CDH13: variants seen among roughly 807,000 people sequenced by gnomAD.
The protein encoded by CDH13 is cadherin-13.
In CDH13, 24 loss-of-function variants were observed where a neutral mutation model predicts 63.8. The ratio of observed to expected loss-of-function variants is 0.38; its 90% CI spans 0.27 to 0.53. The LOEUF (loss-of-function observed/expected upper bound fraction) is 0.53. Among genes scored for constraint, CDH13 ranks in the 20% least tolerant of loss-of-function variants. The pLI is 0.85. For synonymous variants in CDH13, 503 were observed against 355.3 expected (o/e 1.42, Z -4.67); for missense variants, 1,049 against 903.1 (o/e 1.16, Z -2.07).
intron 7 of CDH13, among the ~76,000 whole-genome samples, chr16:83,527,992 G>T (rs7186942): frequency 6.6e-6 from 1 of 152,122 alleles, no homozygotes; most frequent in African/African-American, 2.4e-5. Context: ...CTAAGGGCAC[G>T]CAGGGAGTTT....
chr16:83,224,321 C>T (rs549944155), intron 5 of CDH13, among the ~76,000 whole-genome samples: 4 of 152,212 alleles, frequency 2.6e-5, no homozygotes, highest in African/African-American at 9.7e-5. Context: ...CATGTGTGTG[C>T]AAGTATCTTT....
At chr16:82,751,082 A>T (rs1350889) in intron 1 of CDH13, among the ~76,000 whole-genome samples, 90,734 of 151,998 alleles carry the variant, frequency 0.6, 27,650 homozygotes, top group East Asian at 0.77. Context: ...CTGAGCATCT[A>T]TCCAGTTCCC....
chr16:82,934,204 G>T (rs1011585312), intron 2 of CDH13, among the ~76,000 whole-genome samples: 2 of 152,230 alleles, frequency 1.3e-5, no homozygotes, highest in African/African-American at 4.8e-5. Flanking sequence ...ATCTTCTGAA[G>T]TCTAGGCAGA....
At position 83,011,475 on chromosome 16, in the gene CDH13, G is replaced by A. The variant is rs183068778; in HGVS notation, c.158-20535G>A. Reference sequence around the variant, plus strand: ...ATCGAAAGCCCTTCCTCTCACATATGGTAATCCCCAGGGGCTTGTACTGTC... The same window carrying A: ...ATCGAAAGCCCTTCCTCTCACATATAGTAATCCCCAGGGGCTTGTACTGTC... On this transcript the variant is annotated intron_variant, in intron 2 of 13. Transcript: ENST00000567109. 5.3e-5 allele frequency among the ~76,000 whole-genome samples: 8 copies of A among 152,232 alleles called. No individual in the cohort carries two copies. The East Asian group carries it at 1.4e-3, about 26-fold the overall frequency.
chr16:83,420,506 T>C (rs113398433), intron 6 of CDH13, among the ~76,000 whole-genome samples: 1,773 of 152,364 alleles, frequency 0.012, 38 homozygotes, highest in Non-Finnish European at 0.012. Flanking sequence ...AATAGTTCAT[T>C]GCACAAGCAT....
At chr16:82,720,399 C>G (rs1457000527) in intron 1 of CDH13, among the ~76,000 whole-genome samples, 1 of 152,090 alleles carries the variant, frequency 6.6e-6, no homozygotes, top group Non-Finnish European at 1.5e-5. Flanking sequence ...ATTCACCTTC[C>G]AAATTGCTTA....
At chr16:82,717,618 C>T (rs896773346) in intron 1 of CDH13, among the ~76,000 whole-genome samples, 1 of 152,132 alleles carries the variant, frequency 6.6e-6, no homozygotes, top group African/African-American at 2.4e-5. Context: ...CAGTCTAGTC[C>T]CTGGCTCCGT....
At chr16:83,094,516 A>G (rs780926042) in intron 3 of CDH13, among the ~76,000 whole-genome samples, 1 of 152,134 alleles carries the variant, frequency 6.6e-6, no homozygotes, top group Non-Finnish European at 1.5e-5. Flanking sequence ...ATGCCTCCAC[A>G]TTGACTAGTC....
chr16:83,273,800 G>C (rs190449052), intron 5 of CDH13, among the ~76,000 whole-genome samples: 2 of 152,254 alleles, frequency 1.3e-5, no homozygotes, highest in African/African-American at 2.4e-5. Flanking sequence ...TACGCAGCGA[G>C]GTAAGTTTAG....
intron 8 of CDH13, among the ~76,000 whole-genome samples, chr16:83,652,464 G>A (rs1026236194): frequency 1.3e-5 from 2 of 152,080 alleles, no homozygotes; most frequent in South Asian, 2.1e-4. Context: ...GGCTGCAGGG[G>A]TCTGTGTAGT....
At chr16:82,991,878 C>A (rs540812278) in intron 2 of CDH13, among the ~76,000 whole-genome samples, 1 of 152,060 alleles carries the variant, frequency 6.6e-6, no homozygotes, top group African/African-American at 2.4e-5. Context: ...CGCTTCACAT[C>A]ATTATCTAGG....
At chr16:82,984,932 C>T (rs1474411384) in intron 2 of CDH13, among the ~76,000 whole-genome samples, 1 of 152,166 alleles carries the variant, frequency 6.6e-6, no homozygotes, top group African/African-American at 2.4e-5. Context: ...TCTCCAGCAT[C>T]TGCAATATTC....
intron 1 of CDH13, among the ~76,000 whole-genome samples, chr16:82,750,865 A>G (rs1252398148): frequency 6.6e-6 from 1 of 152,180 alleles, no homozygotes; most frequent in African/African-American, 2.4e-5. Flanking sequence ...GCAAATATTT[A>G]GTAGGCACTC....
intron 1 of CDH13, among the ~76,000 whole-genome samples, chr16:82,686,428 T>C (rs1173283754): frequency 6.6e-6 from 1 of 152,154 alleles, no homozygotes; most frequent in African/African-American, 2.4e-5. Context: ...CCTTGTGTGA[T>C]TGGTTACTGG....
chr16:83,027,771 C>T (rs954993908), intron 2 of CDH13, among the ~76,000 whole-genome samples: 3 of 152,174 alleles, frequency 2.0e-5, no homozygotes, highest in African/African-American at 4.8e-5. Flanking sequence ...TTCTCCCTTG[C>T]TGTCTGTGCC....
In CDH13 at chr16:83,091,281, A is replaced by G. The variant is rs189844471; in HGVS notation, c.367-34104A>G. On this transcript the variant is annotated intron_variant, in intron 3 of 13. Transcript: ENST00000567109. ...ATCTTCTGCTATCAGAAAAAAAAAAATTCCATGAGCACTTGGTAACCATCT... is the reference window on the plus strand; with the variant it reads ...ATCTTCTGCTATCAGAAAAAAAAAAGTTCCATGAGCACTTGGTAACCATCT... Among the ~76,000 whole-genome samples the G allele has an allele frequency of 1.8e-3, 276 of 151,478 alleles. 4 individuals are homozygous for G. Among genetic ancestry groups the G allele is most frequent in the Admixed American group, 0.017 (263 of 15,240 alleles).
Position 83,441,685 on chromosome 16 carries a change from G to C in CDH13, c.782-44792G>C, listed in dbSNP as rs114527632. On this transcript the variant is annotated intron_variant, in intron 6 of 13. Transcript: ENST00000567109. ...ACAGCTGCCACCAAGATGTCAGTTA[G>C]CTCTGTGACAGTGAAATGACTTCAT... 5.0e-3 allele frequency among the ~76,000 whole-genome samples: 761 copies of C among 152,232 alleles called. 7 individuals are homozygous for C. Among genetic ancestry groups the C allele is most frequent in the African/African-American group, 0.017 (723 of 41,538 alleles).
chr16:82,654,994 C>G (rs1006249577), intron 1 of CDH13, among the ~76,000 whole-genome samples: 1 of 152,190 alleles, frequency 6.6e-6, no homozygotes, highest in Non-Finnish European at 1.5e-5. Context: ...AGATTTCATG[C>G]TTTTAGTCAT....
intron 5 of CDH13, among the ~76,000 whole-genome samples, chr16:83,331,360 A>G (rs906867987): frequency 1.3e-5 from 2 of 152,212 alleles, no homozygotes; most frequent in African/African-American, 4.8e-5. Context: ...AAAGACTAGA[A>G]AAGCCAGCCA....
Sources: gnomAD v4.1 joint callset for allele counts (sites outside exome capture counted in the v4.1 genomes callset) on GRCh38, gnomAD v4.1.1 for gene constraint, MANE v1.5 for transcripts, NCBI Gene and HGNC (gene_info 2026-07-23, HGNC 2026-07-21) for gene names.